The following MORN1 variants were observed in gnomAD, a reference collection of about 807,000 sequenced individuals.
MORN1 encodes MORN repeat containing 1.
Under a neutral mutation model 61.9 loss-of-function variants are expected in MORN1, and 67 were observed. The ratio of observed to expected loss-of-function variants is 1.08; its 90% CI spans 0.89 to 1.33. The LOEUF (loss-of-function observed/expected upper bound fraction) is 1.33, where lower values mean the gene tolerates loss of function less well. MORN1 is among the 40% of genes most tolerant of loss of function. The pLI is 0.00. For missense variants in MORN1, 752 were observed against 691.2 expected, an observed-to-expected ratio of 1.09 and a Z score of -0.99; for synonymous variants, 301 against 292.0, an observed-to-expected ratio of 1.03 and a Z score of -0.31.
chr1:2,339,456 G>T (rs1296907230), intron 10 of MORN1, among the ~76,000 whole-genome samples: 4 of 152,196 alleles, frequency 2.6e-5, no homozygotes, highest in Non-Finnish European at 4.4e-5. Context: ...CCTTTCCCGA[G>T]GCCGGCACCG....
At chr1:2,329,564 T>A (rs7525332) in intron 12 of MORN1, among the ~76,000 whole-genome samples, 6,922 of 152,212 alleles carry the variant, frequency 0.045, 230 homozygotes, top group South Asian at 0.067. Flanking sequence ...CACAGCCAGG[T>A]GCAGCCTGAG....
In MORN1 at chr1:2,370,822, G is replaced by A. The variant is rs561302796; in HGVS notation, c.745+1659C>T. ...GCCTTCCGAGTAGCTGGGACCACAC[G>A]CATGCACTACCATGACCAGCTAATT... On this transcript the variant is annotated intron_variant, in intron 8 of 13. Transcript: ENST00000378531. Among the ~76,000 whole-genome samples the A allele has an allele frequency of 5.5e-4, 84 of 151,808 alleles. No individual in the cohort carries two copies. In the Middle Eastern group the frequency reaches 0.017, roughly 31 times the overall value.
At chr1:2,353,495 G>A (rs1180498447) in intron 10 of MORN1, among the ~76,000 whole-genome samples, 1 of 152,370 alleles carries the variant, frequency 6.6e-6, no homozygotes, top group Non-Finnish European at 1.5e-5. Flanking sequence ...GGTGATGCTG[G>A]TGGGTCCAGG....
At chr1:2,354,396 C>A (rs893272782) in intron 10 of MORN1, among the ~76,000 whole-genome samples, 6 of 151,228 alleles carry the variant, frequency 4.0e-5, no homozygotes, top group Non-Finnish European at 8.9e-5. Flanking sequence ...GAGGCCCTGT[C>A]TCTACAAAAA....
In MORN1 at chr1:2,336,451, G is replaced by C; in HGVS notation, c.1250+18C>G. On this transcript the variant is annotated intron_variant, in intron 12 of 13. Coordinates refer to ENST00000378531, the MANE Select transcript of MORN1 (RefSeq NM_024848.3). ...GCTGACCCTCCGAACACCTGCAGGT[G>C]GGGTGGGCTCATCCTACCTGCTGCC... is the stretch of plus-strand genomic sequence containing the variant. 6.2e-7 allele frequency: 1 copy of C among 1,608,056 alleles called. No individual in the cohort carries two copies. The highest frequency in any genetic ancestry group is 8.5e-7 in the Non-Finnish European group (1 of 1,177,058).
chr1:2,333,015 T>C (rs891604778), intron 12 of MORN1, among the ~76,000 whole-genome samples: 2 of 152,166 alleles, frequency 1.3e-5, no homozygotes, highest in African/African-American at 2.4e-5. Flanking sequence ...CCCAAGGGGC[T>C]TGCTCTGGAA....
At chr1:2,389,510 C>T (rs1357342084) in intron 2 of MORN1, among the ~76,000 whole-genome samples, 1 of 152,232 alleles carries the variant, frequency 6.6e-6, no homozygotes, top group Non-Finnish European at 1.5e-5. Context: ...TCAAGTGATC[C>T]GCCCACCTTG....
At chr1:2,370,674 CTTTTT>C (rs34105463) in intron 8 of MORN1, among the ~76,000 whole-genome samples, 394 of 142,800 alleles carry the variant, frequency 2.8e-3, no homozygotes, top group African/African-American at 9.5e-3. Flanking sequence ...TTTTTTTCTT[CTTTTT>C]TTTTTTTTTT....
At chr1:2,389,830 G>A (rs1557897303) in intron 2 of MORN1, 95 bp downstream of exon 2, 4 of 1,092,542 alleles carry the variant, frequency 3.7e-6, no homozygotes, top group Admixed American at 3.5e-5. Context: ...GAAAGCTACA[G>A]GAAATGCCAC....
Position 2,358,261 on chromosome 1 carries a change from C to T in MORN1, c.869+331G>A, listed in dbSNP as rs562677841. ...AGAGAGGCCTGAGCATCTCTGCAGC[C>T]GACCCTCCTCCCAGGAGCACCCGAG... On this transcript the variant is annotated intron_variant, in intron 9 of 13. Coordinates refer to ENST00000378531, the MANE Select transcript of MORN1 (RefSeq NM_024848.3). Among the ~76,000 whole-genome samples, 48 of 152,188 alleles carry T rather than the reference C, an allele frequency of 3.2e-4. No homozygotes were observed. In the South Asian group the frequency reaches 9.2e-3, roughly 29 times the overall value.
At chr1:2,336,065 C>T (rs1641268541) in intron 12 of MORN1, among the ~76,000 whole-genome samples, 2 of 152,202 alleles carry the variant, frequency 1.3e-5, no homozygotes, top group Admixed American at 1.3e-4. Context: ...TGCACCTGGT[C>T]CCACTCCTGT....
At chr1:2,378,895 G>A (rs989828261) in intron 6 of MORN1, 12 of 455,246 alleles carry the variant, frequency 2.6e-5, no homozygotes, top group South Asian at 9.3e-5. Flanking sequence ...TTCCGGGACC[G>A]GCCTGAGCCG....
intron 9 of MORN1, among the ~76,000 whole-genome samples, chr1:2,358,301 T>A (rs1426510907): frequency 1.3e-5 from 2 of 152,074 alleles, no homozygotes; most frequent in African/African-American, 4.8e-5. Flanking sequence ...GGAGTCCTGA[T>A]GTCTCCACTC....
chr1:2,345,829 C>CCACACACACACACACA (rs57669691), intron 10 of MORN1, among the ~76,000 whole-genome samples: 94 of 149,104 alleles, frequency 6.3e-4, no homozygotes, highest in African/African-American at 1.8e-3. Flanking sequence ...ATGTATGCGG[C>CCACACACACACACACA]CACACACACA....
At chr1:2,344,061 G>C (rs1471175366) in intron 10 of MORN1, among the ~76,000 whole-genome samples, 1 of 152,152 alleles carries the variant, frequency 6.6e-6, no homozygotes, top group East Asian at 1.9e-4. Flanking sequence ...TTCCCATCTG[G>C]AGCAGGAGAG....
chr1:2,322,277 G>A, intron 13 of MORN1: 5 of 985,478 alleles, frequency 5.1e-6, no homozygotes, highest in Non-Finnish European at 4.8e-6. Context: ...CCCCTCCCCT[G>A]AGCCTGCCGG....
intron 10 of MORN1, among the ~76,000 whole-genome samples, chr1:2,342,121 G>A (rs549268438): frequency 1.2e-4 from 19 of 152,402 alleles, no homozygotes; most frequent in African/African-American, 2.2e-4. Flanking sequence ...CAAGATAAAG[G>A]TCACCGTACG....
intron 10 of MORN1, among the ~76,000 whole-genome samples, chr1:2,346,676 G>A (rs12409523): frequency 6.6e-6 from 1 of 152,094 alleles, no homozygotes; most frequent in Non-Finnish European, 1.5e-5. Context: ...GTGAGCCACC[G>A]CGCCCACCCT....
rs565300780 is a variant in MORN1, at chr1:2,345,687, G to C, written c.1037-8837C>G. 3.5e-4 allele frequency among the ~76,000 whole-genome samples: 54 copies of C among 152,304 alleles called. No individual in the cohort carries two copies. The South Asian group carries it at 9.3e-3, about 26-fold the overall frequency. ...TCGAGGAACAGAAACTGTGCCCTGA[G>C]GGCCTAGGGCCAGGCTGCGGTGAGC... On this transcript the variant is annotated intron_variant, in intron 10 of 13. Transcript: ENST00000378531.
Sources: allele counts gnomAD v4.1 joint callset (sites outside exome capture counted in the v4.1 genomes callset), GRCh38; gene constraint gnomAD v4.1.1; transcripts MANE v1.5; gene names NCBI Gene and HGNC (gene_info 2026-07-23, HGNC 2026-07-21).